ZNF626: variants seen among roughly 807,000 people sequenced by gnomAD.
ZNF626 encodes CTC-513N18.7.
Under a neutral mutation model 11.7 loss-of-function variants are expected in ZNF626, and 4 were observed. The observed-to-expected ratio is 0.34, with a 90% CI of 0.17 to 0.78. The LOEUF (loss-of-function observed/expected upper bound fraction) is 0.78, where lower values mean the gene tolerates loss of function less well. ZNF626 is among the 30% of genes least tolerant of loss of function. The pLI, the probability that ZNF626 is intolerant of heterozygous loss-of-function variation, is 0.57. For missense variants in ZNF626, 588 were observed against 587.1 expected, an observed-to-expected ratio of 1.00 and a Z score of -0.01; for synonymous variants, 179 against 198.6, an observed-to-expected ratio of 0.90 and a Z score of 0.83.
intron 3 of ZNF626, among the ~76,000 whole-genome samples, chr19:20,638,466 G>C (rs994820019): frequency 1.1e-5 from 1 of 93,688 alleles, no homozygotes; most frequent in Non-Finnish European, 2.1e-5. Flanking sequence ...AAATTATATA[G>C]AGAAAAAGAA....
chr19:20,661,048 C>A (rs1223648813), intron 1 of ZNF626, among the ~76,000 whole-genome samples: 1 of 152,234 alleles, frequency 6.6e-6, no homozygotes, highest in African/African-American at 2.4e-5. Context: ...CGGCCCCATA[C>A]ATTTTTAATA....
At chr19:20,631,692 G>T (rs1223171994) in intron 3 of ZNF626, among the ~76,000 whole-genome samples, 1 of 150,824 alleles carries the variant, frequency 6.6e-6, no homozygotes, top group Non-Finnish European at 1.5e-5. Flanking sequence ...CCCTGCACGT[G>T]AGATGGGTTT....
At chr19:20,653,680 A>G (rs1189193562) in intron 1 of ZNF626, among the ~76,000 whole-genome samples, 1 of 151,092 alleles carries the variant, frequency 6.6e-6, no homozygotes. Flanking sequence ...AAAGAAAGGA[A>G]AAGAACAGGG....
intron 3 of ZNF626, chr19:20,645,268 AACT>A: frequency 2.1e-6 from 3 of 1,447,062 alleles, no homozygotes; most frequent in Non-Finnish European, 2.7e-6. Context: ...ATTCAACAGA[AACT>A]ATTACTCTCA....
In ZNF626 at chr19:20,625,497, T is replaced by C. The variant is rs1202348206; in HGVS notation, c.380A>G (p.Lys127Arg). 5 of 1,614,076 alleles carry C rather than the reference T, an allele frequency of 3.1e-6. No individual in the cohort carries two copies. The highest frequency in any genetic ancestry group is 3.3e-5 in the Admixed American group (2 of 60,008). ...CISVDECKVH[K>R]EGYNELNQCL... is the part of the protein sequence containing the mutation. Reference sequence around the variant, plus strand: ...TTGGTTAAGTTCATTATAACCTTCTTTGTGCACCTTACACTCATCCACACT... The same window carrying C: ...TTGGTTAAGTTCATTATAACCTTCTCTGTGCACCTTACACTCATCCACACT... Residue 127 changes from lysine to arginine, a missense_variant, in exon 4 of 4, where the codon AAA (lysine) becomes AGA (arginine). Physicochemically the swap from Lys to Arg is conservative, Grantham distance 26 (BLOSUM62 2). Transcript: ENST00000601440.
intron 1 of ZNF626, among the ~76,000 whole-genome samples, chr19:20,656,989 T>C (rs1449296045): frequency 1.3e-5 from 2 of 152,192 alleles, no homozygotes; most frequent in Non-Finnish European, 2.9e-5. Context: ...TAAAGACATA[T>C]TCACATGCAT....
chr19:20,629,675 TG>T (rs1477929045), intron 3 of ZNF626, among the ~76,000 whole-genome samples: 1 of 152,220 alleles, frequency 6.6e-6, no homozygotes, highest in Non-Finnish European at 1.5e-5. Flanking sequence ...AAGGAGATTT[TG>T]GGCTGAGACA....
rs1188320972 is a variant in ZNF626 at position 20,658,246 on chromosome 19, G to C, written c.3+3198C>G. The stretch of plus-strand genomic sequence containing the variant: ...CATGCAGACAGATGAGATTATAACC[G>C]GGAGGTCCAGAACCTTAGGTTGGTG... On this transcript the variant is annotated intron_variant, in intron 1 of 3. Coordinates refer to ENST00000601440, the MANE Select transcript of ZNF626 (RefSeq NM_001076675.3). Among the ~76,000 whole-genome samples, 9 of 152,262 alleles carry C rather than the reference G, an allele frequency of 5.9e-5. No individual in the cohort carries two copies. In the East Asian group the frequency reaches 1.7e-3, roughly 29 times the overall value.
At chr19:20,634,745 C>A (rs1199549797) in intron 3 of ZNF626, among the ~76,000 whole-genome samples, 1 of 152,240 alleles carries the variant, frequency 6.6e-6, no homozygotes, top group African/African-American at 2.4e-5. Flanking sequence ...TCTCATTGCA[C>A]TTTTGAATAA....
At position 20,629,787 on chromosome 19, in the gene ZNF626, T is replaced by A. The variant is rs12609895; in HGVS notation, c.227-4137A>T. Reference sequence around the variant, plus strand: ...CACTTTATTTCCTTCTCCTGCCTGATTGCCCTGGCCAGAACTTCCAACACT... The same window carrying A: ...CACTTTATTTCCTTCTCCTGCCTGAATGCCCTGGCCAGAACTTCCAACACT... On this transcript the variant is annotated intron_variant, in intron 3 of 3. Transcript: ENST00000601440. 1.1e-4 allele frequency among the ~76,000 whole-genome samples: 16 copies of A among 152,288 alleles called. No individual in the cohort carries two copies. The East Asian group carries it at 2.9e-3, about 28-fold the overall frequency.
In ZNF626 at chr19:20,625,578, A is replaced by G. The variant is rs201036759; in HGVS notation, c.299T>C (p.Leu100Pro). Residue 100 changes from leucine to proline, a missense_variant, in exon 4 of 4, where the codon CTG becomes CCG. Physicochemically the swap from Leu to Pro is moderately conservative, Grantham distance 98. Transcript: ENST00000601440. ...ATGTTCACATTTTTCATATCTTCTC[A>G]GTACCACTTTTTGGAAAGAATCTTT... ...SMKDSFQKVV[L>P]RRYEKCEHDN... is the part of the protein sequence containing the mutation. The G allele has an allele frequency of 2.7e-5, 44 of 1,605,948 alleles. No individual in the cohort carries two copies. Among genetic ancestry groups the G allele is most frequent in the Non-Finnish European group, 3.6e-5 (42 of 1,177,050 alleles).
At chr19:20,627,729 A>G (rs566959516) in intron 3 of ZNF626, among the ~76,000 whole-genome samples, 4 of 152,312 alleles carry the variant, frequency 2.6e-5, no homozygotes, top group Admixed American at 1.3e-4. Context: ...CTGACAAAAA[A>G]AGACTGAAAG....
At chr19:20,627,755 A>G (rs1453323627) in intron 3 of ZNF626, among the ~76,000 whole-genome samples, 1 of 152,210 alleles carries the variant, frequency 6.6e-6, no homozygotes, top group Non-Finnish European at 1.5e-5. Context: ...AGACAGAAGT[A>G]GAATTTCATG....
chr19:20,637,027 A>AAAAG (rs1462297979), intron 3 of ZNF626, among the ~76,000 whole-genome samples: 1 of 151,288 alleles, frequency 6.6e-6, no homozygotes, highest in Non-Finnish European at 1.5e-5. Flanking sequence ...TCAAAAAAAA[A>AAAAG]AAAAAAAAAA....
intron 3 of ZNF626, among the ~76,000 whole-genome samples, chr19:20,635,958 C>T (rs1007573973): frequency 6.6e-6 from 1 of 152,090 alleles, no homozygotes; most frequent in African/African-American, 2.4e-5. Context: ...AATGGTGAAA[C>T]CCTGTCTCTA....
chr19:20,653,429 C>G (rs1322796746), intron 1 of ZNF626, among the ~76,000 whole-genome samples: 1 of 152,100 alleles, frequency 6.6e-6, no homozygotes, highest in Non-Finnish European at 1.5e-5. Flanking sequence ...ATACATAGTT[C>G]ATCCTAAATT....
chr19:20,660,537 G>A (rs1970254686), intron 1 of ZNF626, among the ~76,000 whole-genome samples: 1 of 151,824 alleles, frequency 6.6e-6, no homozygotes, highest in African/African-American at 2.4e-5. Context: ...AGCAATTCTC[G>A]TGCCTCAGCC....
At chr19:20,639,330 C>T (rs781891616) in intron 3 of ZNF626, among the ~76,000 whole-genome samples, 8 of 152,188 alleles carry the variant, frequency 5.3e-5, no homozygotes, top group Non-Finnish European at 1.0e-4. Context: ...ATATTATAGA[C>T]CAACTAGGCT....
rs185327590 is a variant in ZNF626, at chr19:20,639,029, G to C, written c.226+6655C>G. Among the ~76,000 whole-genome samples the C allele has an allele frequency of 4.0e-3, 612 of 152,294 alleles. 7 individuals carry two copies. Among genetic ancestry groups the C allele is most frequent in the African/African-American group, 0.014 (582 of 41,566 alleles). The stretch of plus-strand genomic sequence containing the variant: ...GTATAAGAAGTGTGTGTCAACAACT[G>C]CTTCTGGTGAAGATCTCAGGAAACT... On this transcript the variant is annotated intron_variant, in intron 3 of 3. Transcript: ENST00000601440.
Sources: allele counts gnomAD v4.1 joint callset (sites outside exome capture counted in the v4.1 genomes callset), GRCh38; gene constraint gnomAD v4.1.1; transcripts MANE v1.5; gene names NCBI Gene and HGNC (gene_info 2026-07-23, HGNC 2026-07-21).